Variants in DNAH2 observed in about 807,000 individuals in gnomAD.
The protein encoded by DNAH2 is dynein axonemal heavy chain 2.
DNAH2 carries 323 observed loss-of-function variants against 523.5 expected under a neutral mutation model. The observed-to-expected ratio is 0.62, with a 90% CI of 0.56 to 0.68. The LOEUF (loss-of-function observed/expected upper bound fraction) is 0.68, where lower values mean the gene tolerates loss of function less well. DNAH2 is among the 30% of genes least tolerant of loss of function. The pLI, the probability that DNAH2 is intolerant of heterozygous loss-of-function variation, is 0.00. For missense variants in DNAH2, 4,907 were observed against 5,701.5 expected (o/e 0.86, Z 4.49); for synonymous variants, 2,093 against 2,177.4 (o/e 0.96, Z 1.08).
chr17:7,777,337 C>T, intron 32 of DNAH2, 109 bp from the exon 33 acceptor site: 1 of 1,171,350 alleles, frequency 8.5e-7, no homozygotes, highest in Non-Finnish European at 1.2e-6. Flanking sequence ...GGAGTTACAG[C>T]AGGTGGGGTC....
intron 33 of DNAH2, 61 bp from the exon 34 acceptor site, chr17:7,778,016 G>A: frequency 1.4e-6 from 2 of 1,454,506 alleles, no homozygotes; most frequent in Non-Finnish European, 1.9e-6. Context: ...CTCAGTCATT[G>A]TCCCAGCTCT....
At chr17:7,744,020 G>A (rs1035121849) in intron 12 of DNAH2, 6 of 152,210 alleles carry the variant, frequency 3.9e-5, no homozygotes, top group African/African-American at 1.2e-4. Flanking sequence ...CTCTTGGAGT[G>A]GGGCTTCCTG....
At chr17:7,791,774 C>T in intron 44 of DNAH2, 143 bp from the exon 45 acceptor site, 1 of 785,426 alleles carries the variant, frequency 1.3e-6, no homozygotes, top group Admixed American at 2.6e-5. Context: ...TAAACATCCA[C>T]ATTTGGAAAA....
At position 7,759,552 on chromosome 17, in the gene DNAH2, A is replaced by C. The variant is rs1221783394; in HGVS notation, c.2579A>C (p.Asn860Thr). The change falls in exon 16 of 86, where the codon AAC (asparagine) becomes ACC (threonine). Residue 860 changes from asparagine to threonine, a missense_variant. Around this residue, in one of 3 missense-constraint regions of DNAH2, gnomAD observed 2,806 missense variants for 3,190.8 expected, o/e 0.88. Transcript: ENST00000572933. ...AINGDGKTSP[N>T]PLFQVLVILK... ...AACGGGGATGGAAAGACCAGCCCAA[A>C]CCCACTCTTCCAAGTCCTTGTCATT... is the stretch of plus-strand genomic sequence containing the variant. The C allele has an allele frequency of 6.2e-7, 1 of 1,614,180 alleles. No homozygotes were observed. Among genetic ancestry groups the C allele is most frequent in the Non-Finnish European group, 8.5e-7 (1 of 1,180,046 alleles).
At chr17:7,784,078 G>A (rs2076673079) in intron 39 of DNAH2, among the ~76,000 whole-genome samples, 2 of 151,924 alleles carry the variant, frequency 1.3e-5, no homozygotes, top group Non-Finnish European at 2.9e-5. Context: ...TAGCAATATG[G>A]GACAACAGAT....
chr17:7,818,120 G>A (rs752180519), intron 68 of DNAH2, 24 bp downstream of exon 68: 2 of 1,608,788 alleles, frequency 1.2e-6, no homozygotes, highest in Non-Finnish European at 1.7e-6. Flanking sequence ...CCCAAGACCA[G>A]CCAAGTGGGA....
At chr17:7,763,397 C>T (rs866628227) in intron 18 of DNAH2, among the ~76,000 whole-genome samples, 13 of 152,246 alleles carry the variant, frequency 8.5e-5, no homozygotes, top group African/African-American at 2.2e-4. Context: ...CTGCCGGCCT[C>T]GGCCTCCCAA....
In DNAH2 at chr17:7,738,981, T is replaced by C. The variant is rs1324409614; in HGVS notation, c.1171-752T>C. Reference sequence around the variant, plus strand: ...AGACCAGCATCTTTGCTCAGGTTGATGCCTTTGTGCAGCGCTGCAAGGACC... The same window carrying C: ...AGACCAGCATCTTTGCTCAGGTTGACGCCTTTGTGCAGCGCTGCAAGGACC... On this transcript the variant is annotated intron_variant, in intron 8 of 85. Transcript: ENST00000572933. 4 of 702,820 alleles carry C rather than the reference T, an allele frequency of 5.7e-6. No homozygotes were observed. In the Admixed American group the frequency reaches 8.0e-5, roughly 14 times the overall value. 43.5% of individuals were successfully genotyped at this position (702,820 alleles called of 1,614,324 possible). A position where few individuals can be genotyped will look rare whatever the true frequency, so the allele number is the denominator to read the frequency against.
chr17:7,778,646 G>T (rs964854179), intron 35 of DNAH2, among the ~76,000 whole-genome samples, 177 bp downstream of exon 35: 2 of 152,096 alleles, frequency 1.3e-5, no homozygotes, highest in African/African-American at 4.8e-5. Context: ...TCGGTTCACT[G>T]CAACCTTTGC....
At chr17:7,740,385 G>T (rs2075275358) in intron 9 of DNAH2, 35 bp from the exon 10 acceptor site, 1 of 1,611,518 alleles carries the variant, frequency 6.2e-7, no homozygotes, top group Non-Finnish European at 8.5e-7. Context: ...GCAGGCGAGG[G>T]CACTCAGCTG....
In DNAH2 at chr17:7,833,732, C is replaced by A; in HGVS notation, c.*199C>A. On this transcript the variant is annotated 3_prime_UTR_variant, in exon 86 of 86. Transcript: ENST00000572933. ...TTGGAGCTCAGTGCTGTAAAACACC[C>A]GCGACAACAAGCCTTAAGTCTCTCA... 1.3e-6 allele frequency: 1 copy of A among 748,530 alleles called. No individual in the cohort carries two copies. Among genetic ancestry groups the A allele is most frequent in the Non-Finnish European group, 2.3e-6 (1 of 432,328 alleles). The allele number at this position is 748,530 out of a possible 1,614,324, so 46.4% of individuals were successfully genotyped here.
Position 7,791,998 on chromosome 17 carries a change from T to G in DNAH2, c.6982T>G (p.Ser2328Ala). 6.2e-7 allele frequency: 1 copy of G among 1,614,004 alleles called. No homozygotes were observed. Among genetic ancestry groups the G allele is most frequent in the Non-Finnish European group, 8.5e-7 (1 of 1,180,000 alleles). ...VFSMIWSVCA[S>A]VDEEGRKRID... ...CAGCATGATCTGGTCTGTGTGTGCC[T>G]CTGTGGATGAGGAGGGCCGGAAGAG... Residue 2328 changes from serine to alanine, a missense_variant, in exon 45 of 86, where the codon TCT (serine) becomes GCT (alanine). This residue lies in a region of DNAH2 where 2,806 missense variants were observed against 3,190.8 expected (regional missense o/e 0.88). Coordinates refer to ENST00000572933, the MANE Select transcript of DNAH2 (RefSeq NM_020877.5).
chr17:7,828,524 C>G lies in DNAH2; in HGVS notation c.11854-1776C>G, dbSNP rs528748228. Among the ~76,000 whole-genome samples the G allele has an allele frequency of 1.7e-4, 26 of 152,260 alleles. 2 individuals are homozygous for G. The highest frequency in any genetic ancestry group is 4.8e-4 in the African/African-American group (20 of 41,508). On this transcript the variant is annotated intron_variant, in intron 77 of 85. Transcript: ENST00000572933. The surrounding 1 kb of genome is among the most constrained non-coding windows in gnomAD (Gnocchi z 4.1). ...GGAGTGCAGTGGTACAATCATAGCA[C>G]AATGGGATTGCGGGTGGCATGAGCC...
intron 12 of DNAH2, among the ~76,000 whole-genome samples, chr17:7,746,290 A>C (rs1291141706): frequency 6.6e-6 from 1 of 152,202 alleles, no homozygotes; most frequent in Non-Finnish European, 1.5e-5. Flanking sequence ...GCTGTCCCCT[A>C]GGGGACCCAG....
intron 35 of DNAH2, 42 bp downstream of exon 35, chr17:7,778,511 C>T: frequency 6.5e-7 from 1 of 1,538,024 alleles, no homozygotes; most frequent in East Asian, 2.3e-5. Context: ...CCTTAAATAC[C>T]TTTTCGTCCC....
At chr17:7,777,305 C>A in intron 32 of DNAH2, 141 bp from the exon 33 acceptor site, 2 of 901,098 alleles carry the variant, frequency 2.2e-6, no homozygotes, top group South Asian at 1.5e-5. Flanking sequence ...TGGGGGCAGT[C>A]CGTGGTAGAG....
rs777606204 is a variant in DNAH2 at position 7,764,213 on chromosome 17, C to G, written c.3276C>G (p.Ile1092Met). The change falls in exon 20 of 86, where the codon ATC (isoleucine) becomes ATG (methionine). Residue 1092 changes from isoleucine to methionine, a missense_variant. Ile to Met is a conservative substitution (Grantham distance 10). Transcript: ENST00000572933. ...ACTTGGCCAACGTGGAGACTCAGATCCCTCCCATACACGAGCAATTTGCCA... is the reference window on the plus strand; with the variant it reads ...ACTTGGCCAACGTGGAGACTCAGATGCCTCCCATACACGAGCAATTTGCCA... ...KHDLANVETQ[I>M]PPIHEQFAIL... is the part of the protein sequence containing the mutation. 6.2e-7 allele frequency: 1 copy of G among 1,614,010 alleles called. No individual in the cohort carries two copies. Among genetic ancestry groups the G allele is most frequent in the Admixed American group, 1.7e-5 (1 of 60,014 alleles).
Position 7,831,221 on chromosome 17 carries a change from G to T in DNAH2, c.12366G>T (p.Gln4122His). The part of the protein sequence containing the change: ...GQHPNADVAS[Q>H]ITEAQTLFDT... ...ACCCCAATGCTGATGTGGCCTCTCA[G>T]ATCACTGAGGCACAAACCCTCTTTG... is the stretch of plus-strand genomic sequence containing the variant. Residue 4122 changes from glutamine to histidine, a missense_variant, in exon 80 of 86, where the codon CAG (glutamine) becomes CAT (histidine). Transcript: ENST00000572933. This position sits in a 1 kb window ranked among gnomAD's most constrained non-coding sequence, Gnocchi z 4.2. 6.2e-7 allele frequency: 1 copy of T among 1,614,206 alleles called. No individual in the cohort carries two copies. The highest frequency in any genetic ancestry group is 8.5e-7 in the Non-Finnish European group (1 of 1,180,046).
chr17:7,830,018 C>T (rs1009441733), intron 77 of DNAH2, among the ~76,000 whole-genome samples: 1 of 138,204 alleles, frequency 7.2e-6, no homozygotes, highest in Non-Finnish European at 1.5e-5. Context: ...AACAGCGAAA[C>T]TCCGTCTCAA....
Sources: allele counts gnomAD v4.1 joint callset (sites outside exome capture counted in the v4.1 genomes callset), GRCh38; gene constraint gnomAD v4.1.1; regional missense constraint gnomAD v4.1.1; non-coding constraint Gnocchi (gnomAD v3.1); transcripts MANE v1.5; gene names NCBI Gene and HGNC (gene_info 2026-07-23, HGNC 2026-07-21).